GRID2: variants seen among roughly 807,000 people sequenced by gnomAD.
GRID2 encodes glutamate ionotropic receptor delta type subunit 2.
Under a neutral mutation model 114.8 loss-of-function variants are expected in GRID2, and 33 were observed. That is an observed-to-expected ratio of 0.29 (90% CI 0.22 to 0.38). The LOEUF (loss-of-function observed/expected upper bound fraction) is 0.38, where lower values mean the gene tolerates loss of function less well. Ranked by LOEUF, GRID2 falls within the 10% of genes least tolerant of loss-of-function variation. The pLI is 1.00. For synonymous variants in GRID2, 505 were observed against 449.9 expected (o/e 1.12, Z -1.55); for missense variants, 1,184 against 1,257.7 (o/e 0.94, Z 0.89).
intron 1 of GRID2, among the ~76,000 whole-genome samples, chr4:92,545,344 G>A (rs1309371780): frequency 7.2e-5 from 11 of 152,114 alleles, no homozygotes; most frequent in Admixed American, 4.6e-4. Flanking sequence ...GAATATCATA[G>A]CAATGCTGTT....
intron 2 of GRID2, among the ~76,000 whole-genome samples, chr4:92,689,304 T>C (rs888870403): frequency 4.6e-5 from 7 of 152,210 alleles, no homozygotes; most frequent in Non-Finnish European, 8.8e-5. Flanking sequence ...TGACTTCTCC[T>C]CTCTAGCTAT....
At chr4:92,608,055 G>T (rs1729544492) in intron 2 of GRID2, among the ~76,000 whole-genome samples, 1 of 151,774 alleles carries the variant, frequency 6.6e-6, no homozygotes, top group South Asian at 2.1e-4. Flanking sequence ...AGGAGAAAAA[G>T]TCTAAGCAAC....
intron 2 of GRID2, among the ~76,000 whole-genome samples, chr4:92,945,350 C>G (rs1209406906): frequency 2.0e-5 from 3 of 152,098 alleles, no homozygotes; most frequent in Admixed American, 2.0e-4. Context: ...GAGAATAATA[C>G]CAACCATTTC....
intron 2 of GRID2, among the ~76,000 whole-genome samples, chr4:92,749,867 T>C (rs1283895536): frequency 6.6e-6 from 1 of 151,952 alleles, no homozygotes; most frequent in Non-Finnish European, 1.5e-5. Flanking sequence ...GATTGATTGA[T>C]TGATTGATTG....
intron 2 of GRID2, among the ~76,000 whole-genome samples, chr4:92,765,011 CTT>C (rs1483688892): frequency 6.6e-6 from 1 of 152,106 alleles, no homozygotes; most frequent in Non-Finnish European, 1.5e-5. Context: ...CTTTATAACA[CTT>C]TTAAAAAATT....
At chr4:92,633,289 GAAAA>G (rs892097034) in intron 2 of GRID2, among the ~76,000 whole-genome samples, 3 of 150,726 alleles carry the variant, frequency 2.0e-5, no homozygotes, top group Non-Finnish European at 4.4e-5. Context: ...ATGTGAAAGG[GAAAA>G]AAAAACTTTG....
intron 1 of GRID2, among the ~76,000 whole-genome samples, chr4:92,310,092 C>T (rs1410157429): frequency 6.6e-6 from 1 of 151,878 alleles, no homozygotes; most frequent in Non-Finnish European, 1.5e-5. Context: ...ATAATTTTTG[C>T]CTGGTTAATT....
chr4:93,590,560 A>G (rs1401713679), intron 13 of GRID2, among the ~76,000 whole-genome samples: 1 of 151,772 alleles, frequency 6.6e-6, no homozygotes, highest in Non-Finnish European at 1.5e-5. Flanking sequence ...TTCCATATGA[A>G]CTTTAAAGTA....
chr4:93,589,134 C>A (rs944729436), intron 13 of GRID2, among the ~76,000 whole-genome samples: 6 of 151,620 alleles, frequency 4.0e-5, no homozygotes, highest in African/African-American at 1.5e-4. Context: ...GTGTGCCATG[C>A]TGGTGTGCTG....
In GRID2 at chr4:92,906,855, A is replaced by G. The variant is rs980697254; in HGVS notation, c.245-178140A>G. ...TTTTCCTTGACTTAGATTAATCTCA[A>G]TTTTACAGTTTACTACTCAAAGTGT... On this transcript the variant is annotated intron_variant, in intron 2 of 15. Coordinates refer to ENST00000282020, the MANE Select transcript of GRID2 (RefSeq NM_001510.4). Among the ~76,000 whole-genome samples, 69 of 152,122 alleles carry G rather than the reference A, an allele frequency of 4.5e-4. 3 individuals carry two copies. Among genetic ancestry groups the G allele is most frequent in the South Asian group, 6.2e-4 (3 of 4,828 alleles).
downstream of GRID2, among the ~76,000 whole-genome samples, chr4:93,778,532 G>GACT (rs1254934208): frequency 1.3e-5 from 2 of 151,672 alleles, no homozygotes; most frequent in African/African-American, 4.8e-5. Context: ...AAGTAGCTAG[G>GACT]ACTACAGGCA....
Position 92,822,586 on chromosome 4 carries a change from T to G in GRID2, c.244+232300T>G, listed in dbSNP as rs115076717. 1,256 of 247,530 alleles carry G rather than the reference T, an allele frequency of 5.1e-3. 26 individuals are homozygous for G. Among genetic ancestry groups the G allele is most frequent in the African/African-American group, 0.027 (1,183 of 43,274 alleles). The allele number at this position is 247,530 out of a possible 1,614,324, so 15.3% of individuals were successfully genotyped here. On this transcript the variant is annotated intron_variant, in intron 2 of 15. Transcript: ENST00000282020. The stretch of plus-strand genomic sequence containing the variant: ...CTAGAGACAATCTACAGGTTGTCAA[T>G]GGAGAAGGCCACACTCAACACGTCC...
intron 1 of GRID2, among the ~76,000 whole-genome samples, chr4:92,474,947 GTTGA>G (rs1227181849): frequency 9.5e-6 from 1 of 105,058 alleles, no homozygotes; most frequent in Non-Finnish European, 1.9e-5. Context: ...TCTTCATTCG[GTTGA>G]TTGTTTTAAT....
At chr4:93,333,468 C>G (rs188943294) in intron 8 of GRID2, among the ~76,000 whole-genome samples, 2 of 152,268 alleles carry the variant, frequency 1.3e-5, no homozygotes, top group Non-Finnish European at 1.5e-5. Context: ...TCCCACCATA[C>G]ATTTTTTTAA....
chr4:93,502,728 GCACACCACACACACACACACA>G (rs1728241568), intron 12 of GRID2, among the ~76,000 whole-genome samples: 1 of 96,656 alleles, frequency 1.0e-5, no homozygotes, highest in African/African-American at 4.1e-5. Flanking sequence ...ACACACACAC[GCACACCACACACACACACACA>G]CACACACGTA....
chr4:92,739,294 G>GATT (rs1736756231), intron 2 of GRID2, among the ~76,000 whole-genome samples: 1 of 152,038 alleles, frequency 6.6e-6, no homozygotes, highest in Non-Finnish European at 1.5e-5. Context: ...TTATTCTAAG[G>GATT]ATTCTTCAAA....
intron 2 of GRID2, among the ~76,000 whole-genome samples, chr4:93,061,196 G>GTTTTTT (rs752045329): frequency 1.6e-4 from 18 of 112,736 alleles, no homozygotes; most frequent in South Asian, 1.2e-3. Context: ...GGTTTTTCTT[G>GTTTTTT]TTTTTTTTTT....
At chr4:93,624,624 C>T (rs563768706) in intron 13 of GRID2, among the ~76,000 whole-genome samples, 1 of 152,014 alleles carries the variant, frequency 6.6e-6, no homozygotes, top group Non-Finnish European at 1.5e-5. Flanking sequence ...TATGTTGTCA[C>T]CCCAGTAACA....
At position 92,936,120 on chromosome 4, in the gene GRID2, T is replaced by G. The variant is rs891052241; in HGVS notation, c.245-148875T>G. Among the ~76,000 whole-genome samples, 3 of 147,014 alleles carry G rather than the reference T, an allele frequency of 2.0e-5. No homozygotes were observed. In the East Asian group the frequency reaches 6.4e-4, roughly 32 times the overall value. On this transcript the variant is annotated intron_variant, in intron 2 of 15. Transcript: ENST00000282020. ...GAAATGTTAAACAAAAGAAATGCAC[T>G]TTTAAAATTATAAAGTATATTTTGT...
Sources: allele counts gnomAD v4.1 joint callset (sites outside exome capture counted in the v4.1 genomes callset), GRCh38; gene constraint gnomAD v4.1.1; transcripts MANE v1.5; gene names NCBI Gene and HGNC (gene_info 2026-07-23, HGNC 2026-07-21).